FEZ2: variants seen among roughly 807,000 people sequenced by gnomAD.
The protein encoded by FEZ2 is fasciculation and elongation protein zeta 2.
In FEZ2, 51 loss-of-function variants were observed where a neutral mutation model predicts 40.4. The ratio of observed to expected loss-of-function variants is 1.26; its 90% CI spans 1.01 to 1.59. FEZ2 has a LOEUF of 1.59. FEZ2 is among the 40% of genes most tolerant of loss of function. The probability of loss-of-function intolerance (pLI) is 0.00; values close to 1 mark genes in which losing one functional copy is unlikely to be tolerated. For missense variants in FEZ2, 640 were observed against 438.3 expected (o/e 1.46, Z -4.11); for synonymous variants, 242 against 172.0 (o/e 1.41, Z -3.18).
chr2:36,578,274 A>C lies in FEZ2; in HGVS notation c.903+323T>G, dbSNP rs556228727. Among the ~76,000 whole-genome samples the C allele has an allele frequency of 1.1e-3, 162 of 152,336 alleles. 1 individual carries two copies. Among genetic ancestry groups the C allele is most frequent in the Non-Finnish European group, 1.9e-3 (126 of 68,032 alleles). ...CCAAATATACATAACCACTCTTCAC[A>C]TTTTGATGTGGTAAAAATGTTCACT... On this transcript the variant is annotated intron_variant, in intron 5 of 7. Transcript: ENST00000405912.
chr2:36,598,122 C>G lies in FEZ2; in HGVS notation c.21G>C (p.Trp7Cys). The G allele has an allele frequency of 2.0e-6, 3 of 1,483,486 alleles. No homozygotes were observed. Among genetic ancestry groups the G allele is most frequent in the South Asian group, 1.3e-5 (1 of 79,482 alleles). 91.9% of individuals were successfully genotyped at this position (1,483,486 alleles called of 1,614,324 possible). MAADGD[W>C]QDFYEFQEPA... ...GCTCCTGGAACTCATAGAAATCCTGCCAGTCCCCGTCCGCCGCCATCGCCG... is the reference window on the plus strand; with the variant it reads ...GCTCCTGGAACTCATAGAAATCCTGGCAGTCCCCGTCCGCCGCCATCGCCG... Residue 7 changes from tryptophan (W) to cysteine (C), a missense_variant, in exon 1 of 8, where the codon TGG becomes TGC. Physicochemically the swap from Trp to Cys is radical, Grantham distance 215. Transcript: ENST00000405912.
At chr2:36,573,400 T>C (rs1668471444) in intron 5 of FEZ2, among the ~76,000 whole-genome samples, 1 of 152,242 alleles carries the variant, frequency 6.6e-6, no homozygotes, top group East Asian at 1.9e-4. Context: ...CTTGTATTCA[T>C]GAGAACTGCT....
At chr2:36,582,597 C>T (rs922037433) in intron 3 of FEZ2, among the ~76,000 whole-genome samples, 2 of 152,206 alleles carry the variant, frequency 1.3e-5, no homozygotes, top group African/African-American at 4.8e-5. Context: ...GCACCACATT[C>T]TTCCCACGCC....
At chr2:36,556,451 T>A (rs578056183) in intron 6 of FEZ2, 1 of 152,600 alleles carries the variant, frequency 6.6e-6, no homozygotes, top group African/African-American at 2.4e-5. Context: ...ACAAATATTA[T>A]ACTTTAACAG....
At chr2:36,590,300 G>C (rs1315574335) in intron 2 of FEZ2, 4 of 152,240 alleles carry the variant, frequency 2.6e-5, no homozygotes, top group African/African-American at 9.7e-5. Context: ...TCCGTGTTGA[G>C]ATTCCAATAC....
At chr2:36,586,793 T>C (rs1258216960) in intron 2 of FEZ2, among the ~76,000 whole-genome samples, 2 of 151,830 alleles carry the variant, frequency 1.3e-5, no homozygotes, top group Non-Finnish European at 2.9e-5. Context: ...TATATTTTCT[T>C]AAAATTAGCC....
Position 36,581,292 on chromosome 2 carries a change from T to G in FEZ2, c.632A>C (p.Glu211Ala), listed in dbSNP as rs1668735401. ...LKRSSTGSYE[E>A]RVKRLSVSEL... is the part of the protein sequence containing the mutation. ...TTGATTTCAGCAGGCTCCCTTACTC[T>G]CTTCATAACTGCCGGTACTAGACCT... The change falls in exon 4 of 8, where the codon GAG (glutamate) becomes GCG (alanine). Residue 211 changes from glutamate (E) to alanine (A), a missense_variant and splice_region_variant. Glu to Ala is a moderately radical substitution (Grantham distance 107, BLOSUM62 -1). Coordinates refer to ENST00000405912, the MANE Select transcript of FEZ2 (RefSeq NM_005102.3). The G allele has an allele frequency of 6.2e-7, 1 of 1,613,622 alleles. No individual in the cohort carries two copies. The highest frequency in any genetic ancestry group is 8.5e-7 in the Non-Finnish European group (1 of 1,179,642).
At chr2:36,591,796 A>AAG (rs1425090313) in intron 1 of FEZ2, among the ~76,000 whole-genome samples, 1 of 152,146 alleles carries the variant, frequency 6.6e-6, no homozygotes, top group Non-Finnish European at 1.5e-5. Context: ...TCTTCAAATA[A>AAG]CGAGTCATTG....
chr2:36,568,240 T>A lies in FEZ2; in HGVS notation c.904-9727A>T, dbSNP rs569487793. On this transcript the variant is annotated intron_variant, in intron 5 of 7. Transcript: ENST00000405912. ...GGAGGGAAGCATTTCTTTGATAACATTTCTCAAGGTTAAAGTACCAAAGAC... is the reference window on the plus strand; with the variant it reads ...GGAGGGAAGCATTTCTTTGATAACAATTCTCAAGGTTAAAGTACCAAAGAC... 3.7e-3 allele frequency among the ~76,000 whole-genome samples: 563 copies of A among 152,166 alleles called. 2 individuals carry two copies. The highest frequency in any genetic ancestry group is 4.8e-3 in the Non-Finnish European group (325 of 67,998).
chr2:36,565,737 C>G (rs1192629418), intron 5 of FEZ2, among the ~76,000 whole-genome samples: 1 of 152,162 alleles, frequency 6.6e-6, no homozygotes, highest in Non-Finnish European at 1.5e-5. Flanking sequence ...TTATCACACC[C>G]TGTACCTAGG....
intron 1 of FEZ2, among the ~76,000 whole-genome samples, chr2:36,592,766 G>C (rs1390394867): frequency 6.6e-6 from 1 of 152,086 alleles, no homozygotes; most frequent in Non-Finnish European, 1.5e-5. Flanking sequence ...AGTGAGCTAT[G>C]ATGGCACCAC....
rs115036772 is a variant in FEZ2 at position 36,589,235 on chromosome 2, A to C, written c.375+1668T>G. 4.4e-3 allele frequency among the ~76,000 whole-genome samples: 668 copies of C among 152,340 alleles called. 4 individuals carry two copies. The highest frequency in any genetic ancestry group is 0.015 in the African/African-American group (644 of 41,584). ...TGATTAACAAGAGAAGGCAGTGGTA[A>C]TTTTAGAGACAGGGACAAAGTGATC... On this transcript the variant is annotated intron_variant, in intron 2 of 7. Coordinates refer to ENST00000405912, the MANE Select transcript of FEZ2 (RefSeq NM_005102.3).
intron 5 of FEZ2, among the ~76,000 whole-genome samples, chr2:36,564,777 C>G (rs1001917134): frequency 2.6e-5 from 4 of 152,118 alleles, no homozygotes; most frequent in Admixed American, 2.6e-4. Context: ...CTCGGGAGTT[C>G]ACGCCACAGC....
intron 3 of FEZ2, among the ~76,000 whole-genome samples, chr2:36,582,530 T>C (rs1668778937): frequency 6.6e-6 from 1 of 152,204 alleles, no homozygotes; most frequent in South Asian, 2.1e-4. Context: ...TGTCTATCCC[T>C]AGATTACCCT....
chr2:36,553,257 A>G (rs897198452), intron 7 of FEZ2, 78 bp from the exon 8 acceptor site: 11 of 1,075,866 alleles, frequency 1.0e-5, no homozygotes, highest in Non-Finnish European at 1.5e-5. Flanking sequence ...TTACATGTAC[A>G]TTTAAAAACC....
chr2:36,567,641 A>G (rs926376580), intron 5 of FEZ2, among the ~76,000 whole-genome samples: 1 of 152,078 alleles, frequency 6.6e-6, no homozygotes, highest in African/African-American at 2.4e-5. Context: ...GGGTGCCTGT[A>G]ATCCCAGCTA....
chr2:36,586,852 G>C (rs750728453), intron 2 of FEZ2, among the ~76,000 whole-genome samples: 2 of 152,152 alleles, frequency 1.3e-5, no homozygotes, highest in South Asian at 4.1e-4. Context: ...AAGCTGGAGC[G>C]GGAAGATCGC....
intron 3 of FEZ2, 27 bp downstream of exon 3, chr2:36,583,326 T>C: frequency 8.7e-7 from 1 of 1,144,220 alleles, no homozygotes; most frequent in Non-Finnish European, 1.3e-6. Flanking sequence ...TCTCCTTTCC[T>C]TGCGTTGCTG....
chr2:36,585,443 A>G (rs1368540047), intron 2 of FEZ2, among the ~76,000 whole-genome samples: 1 of 152,222 alleles, frequency 6.6e-6, no homozygotes, highest in Admixed American at 6.5e-5. Context: ...GTAAAGCTAC[A>G]CTAGAGAGTA....
Sources: allele counts gnomAD v4.1 joint callset (sites outside exome capture counted in the v4.1 genomes callset), GRCh38; gene constraint gnomAD v4.1.1; transcripts MANE v1.5; gene names NCBI Gene and HGNC (gene_info 2026-07-23, HGNC 2026-07-21).